The following RFX4 variants were observed in gnomAD, a reference collection of about 807,000 sequenced individuals.
The protein encoded by RFX4 is regulatory factor X4.
Under a neutral mutation model 95.0 loss-of-function variants are expected in RFX4, and 10 were observed. That is an observed-to-expected ratio of 0.11 (90% CI 0.06 to 0.18). The LOEUF (loss-of-function observed/expected upper bound fraction) is 0.18. RFX4 is among the 10% of genes least tolerant of loss of function. The pLI, the probability that RFX4 is intolerant of heterozygous loss-of-function variation, is 1.00. For synonymous variants in RFX4, 321 were observed against 340.7 expected (o/e 0.94, Z 0.64); for missense variants, 640 against 922.0 (o/e 0.69, Z 3.96).
chr12:106,667,132 C>G (rs2041193329), intron 4 of RFX4, among the ~76,000 whole-genome samples: 1 of 152,092 alleles, frequency 6.6e-6, no homozygotes, highest in South Asian at 2.1e-4. Context: ...AAGTGTTTCT[C>G]CATTTTTTCC....
At chr12:106,671,760 C>G (rs1592920972) in intron 4 of RFX4, among the ~76,000 whole-genome samples, 1 of 152,294 alleles carries the variant, frequency 6.6e-6, no homozygotes, top group Non-Finnish European at 1.5e-5. Flanking sequence ...CTCTCAGGTT[C>G]AAGTGATTCT....
intron 16 of RFX4, 29 bp from the exon 17 acceptor site, chr12:106,750,626 C>A (rs762710316): frequency 1.9e-6 from 3 of 1,551,352 alleles, no homozygotes; most frequent in South Asian, 1.2e-5. Context: ...CTATTACTCA[C>A]ACTATTCAAT....
intron 6 of RFX4, among the ~76,000 whole-genome samples, chr12:106,688,214 C>T (rs1221909075): frequency 7.2e-5 from 11 of 151,920 alleles, no homozygotes; most frequent in South Asian, 2.1e-4. Flanking sequence ...TGATTACAGG[C>T]GCCCGCCATC....
intron 4 of RFX4, among the ~76,000 whole-genome samples, chr12:106,675,594 A>G (rs1425402275): frequency 6.6e-6 from 1 of 152,218 alleles, no homozygotes; most frequent in Non-Finnish European, 1.5e-5. Context: ...CATATTGTAC[A>G]CCATAAATAT....
At chr12:106,584,061 G>A (rs1208983781) in intron 1 of RFX4, among the ~76,000 whole-genome samples, 1 of 152,222 alleles carries the variant, frequency 6.6e-6, no homozygotes, top group East Asian at 1.9e-4. Context: ...AGACTGGCCC[G>A]CTAAACTCGG....
Position 106,761,298 on chromosome 12 carries a change from C to T in RFX4, c.2037C>T (p.Pro679=), listed in dbSNP as rs2043204390. ...TCACTCCCCGCTGGCCAGAGGTGCC[C>T]TCAGCCAACACGTGCTACACAAGCC... ...TPVTPRWPEV[P]SANTCYTSPS... Residue 679 remains proline, a synonymous_variant, in exon 18 of 18, where the codon CCC becomes CCT. Coordinates refer to ENST00000392842, the MANE Select transcript of RFX4 (RefSeq NM_213594.3). 1.2e-6 allele frequency: 2 copies of T among 1,614,116 alleles called. No individual in the cohort carries two copies. Among genetic ancestry groups the T allele is most frequent in the Non-Finnish European group, 8.5e-7 (1 of 1,180,016 alleles).
chr12:106,679,753 C>T (rs1432954961), intron 4 of RFX4, among the ~76,000 whole-genome samples: 1 of 152,104 alleles, frequency 6.6e-6, no homozygotes, highest in African/African-American at 2.4e-5. Flanking sequence ...AGTAGTGTGC[C>T]TTTGTGAACA....
At chr12:106,755,427 G>A (rs911926921) in intron 17 of RFX4, among the ~76,000 whole-genome samples, 7 of 152,152 alleles carry the variant, frequency 4.6e-5, no homozygotes, top group Admixed American at 2.0e-4. Context: ...TAAGTAGACT[G>A]CCTCAGAAGG....
At chr12:106,584,256 A>G (rs182784600) in intron 1 of RFX4, among the ~76,000 whole-genome samples, 2 of 152,270 alleles carry the variant, frequency 1.3e-5, no homozygotes, top group African/African-American at 4.8e-5. Flanking sequence ...AAGAGCCGTC[A>G]CACTTCTAGA....
intron 1 of RFX4, among the ~76,000 whole-genome samples, chr12:106,596,644 A>G (rs140790013): frequency 3.3e-5 from 5 of 152,352 alleles, no homozygotes; most frequent in African/African-American, 1.2e-4. Flanking sequence ...TGAGTATCCA[A>G]ACTGAGGTTT....
intron 4 of RFX4, among the ~76,000 whole-genome samples, chr12:106,666,845 T>A (rs1171464814): frequency 6.6e-6 from 1 of 152,256 alleles, no homozygotes; most frequent in Non-Finnish European, 1.5e-5. Context: ...CTTAGCAAAT[T>A]GATCACAGTT....
intron 1 of RFX4, among the ~76,000 whole-genome samples, chr12:106,588,734 C>T (rs548360475): frequency 2.0e-5 from 3 of 152,058 alleles, no homozygotes; most frequent in Non-Finnish European, 2.9e-5. Context: ...TGCCTGTGTC[C>T]GCGTTTGTGT....
At chr12:106,614,669 C>T (rs1481236901) in intron 2 of RFX4, among the ~76,000 whole-genome samples, 6 of 151,838 alleles carry the variant, frequency 4.0e-5, no homozygotes, top group East Asian at 1.9e-4. Context: ...CCACCACGCC[C>T]GGCTAATTTT....
At chr12:106,589,267 T>C (rs2039505344) in intron 1 of RFX4, among the ~76,000 whole-genome samples, 1 of 152,212 alleles carries the variant, frequency 6.6e-6, no homozygotes, top group African/African-American at 2.4e-5. Context: ...TTATTCAGTC[T>C]CACTTCCTGA....
At chr12:106,654,154 G>T in intron 3 of RFX4, 74 bp from the exon 4 acceptor site, 1 of 1,587,794 alleles carries the variant, frequency 6.3e-7, no homozygotes, top group Non-Finnish European at 8.6e-7. Flanking sequence ...ATCTCTGGAG[G>T]ACTAGAAAGA....
At chr12:106,683,662 T>C (rs1180859447) in intron 5 of RFX4, 5 of 152,050 alleles carry the variant, frequency 3.3e-5, no homozygotes, top group Non-Finnish European at 7.3e-5. Context: ...GATAGAACGA[T>C]ATGGAATAAA....
chr12:106,746,416 C>T (rs1302498214), intron 15 of RFX4, among the ~76,000 whole-genome samples: 1 of 150,746 alleles, frequency 6.6e-6, no homozygotes, highest in Admixed American at 6.6e-5. Context: ...CCTGTAGTTC[C>T]AACTACTTGG....
At chr12:106,672,152 A>C (rs2041294679) in intron 4 of RFX4, among the ~76,000 whole-genome samples, 2 of 149,374 alleles carry the variant, frequency 1.3e-5, no homozygotes, top group Admixed American at 1.3e-4. Context: ...TGTTTCTTTA[A>C]AAAAAAATTG....
At chr12:106,622,137 A>G (rs781643734) in intron 2 of RFX4, among the ~76,000 whole-genome samples, 1 of 152,128 alleles carries the variant, frequency 6.6e-6, no homozygotes, top group Non-Finnish European at 1.5e-5. Context: ...GATCTAGAAC[A>G]TGGGCCACCT....
Sources: gnomAD v4.1 joint callset for allele counts (sites outside exome capture counted in the v4.1 genomes callset) on GRCh38, gnomAD v4.1.1 for gene constraint, MANE v1.5 for transcripts, NCBI Gene and HGNC (gene_info 2026-07-23, HGNC 2026-07-21) for gene names.